MYO3B: variants seen among roughly 807,000 people sequenced by gnomAD.
The protein encoded by MYO3B is myosin IIIB, also known as myosin-IIIb.
Under a neutral mutation model 174.6 loss-of-function variants are expected in MYO3B, and 156 were observed. The observed-to-expected ratio is 0.89, with a 90% CI of 0.78 to 1.02. MYO3B has a LOEUF of 1.02. Ranked by LOEUF, MYO3B falls within the 50% of genes least tolerant of loss-of-function variation. MYO3B has a pLI of 0.00. For synonymous variants in MYO3B, 563 were observed against 569.1 expected, an observed-to-expected ratio of 0.99 and a Z score of 0.15; for missense variants, 1,632 against 1,639.4, an observed-to-expected ratio of 1.00 and a Z score of 0.08.
chr2:170,615,478 C>A (rs1418365064), intron 32 of MYO3B, among the ~76,000 whole-genome samples: 1 of 152,254 alleles, frequency 6.6e-6, no homozygotes, highest in Admixed American at 6.5e-5. Flanking sequence ...GAGAGCAAAG[C>A]TGGTATGTTC....
chr2:170,610,287 G>A (rs1695055165), intron 32 of MYO3B, among the ~76,000 whole-genome samples: 1 of 151,672 alleles, frequency 6.6e-6, no homozygotes, highest in Non-Finnish European at 1.5e-5. Flanking sequence ...CTTGCAGTGA[G>A]CCGAGATCAT....
intron 7 of MYO3B, among the ~76,000 whole-genome samples, chr2:170,256,949 C>T (rs967950360): frequency 1.3e-5 from 2 of 152,036 alleles, no homozygotes; most frequent in African/African-American, 2.4e-5. Flanking sequence ...CAGGGGTCAT[C>T]GTTCTTATAT....
intron 14 of MYO3B, among the ~76,000 whole-genome samples, chr2:170,390,300 T>A (rs2105763081): frequency 6.6e-6 from 1 of 152,258 alleles, no homozygotes; most frequent in African/African-American, 2.4e-5. Flanking sequence ...TGGTGATGTG[T>A]GCCTATAGTC....
intron 16 of MYO3B, among the ~76,000 whole-genome samples, chr2:170,394,006 C>T (rs1478056822): frequency 6.6e-6 from 1 of 152,158 alleles, no homozygotes; most frequent in Non-Finnish European, 1.5e-5. Context: ...AATTTAAAGT[C>T]ACTTGTGTCA....
intron 22 of MYO3B, among the ~76,000 whole-genome samples, chr2:170,426,615 T>A (rs200398163): frequency 1.3e-5 from 2 of 152,198 alleles, no homozygotes; most frequent in East Asian, 3.9e-4. Flanking sequence ...TCTAGTTCAT[T>A]GTAACTTTTT....
In MYO3B at chr2:170,206,791, TGAGGGCA is replaced by T. The variant is rs2105350307; in HGVS notation, c.321+6512_321+6518del. 6.6e-6 allele frequency among the ~76,000 whole-genome samples: 1 copy of T among 152,312 alleles called. No homozygotes were observed. Among genetic ancestry groups the T allele is most frequent in the South Asian group, 2.1e-4 (1 of 4,822 alleles). ...AGATGCTTACATAATGCCATGGTAG[TGAGGGCA>T]GAGGCTTCGGAACTGTATTGTAACC... On this transcript the variant is annotated intron_variant, in intron 3 of 34. Transcript: ENST00000408978. This position sits in a 1 kb window ranked among gnomAD's most constrained non-coding sequence, Gnocchi z 4.3.
chr2:170,589,002 T>A (rs1477829737), intron 32 of MYO3B, among the ~76,000 whole-genome samples: 3 of 152,146 alleles, frequency 2.0e-5, no homozygotes, highest in East Asian at 1.9e-4. Flanking sequence ...AGAATGAGAT[T>A]GGGAGCTTCC....
intron 25 of MYO3B, among the ~76,000 whole-genome samples, chr2:170,469,749 T>A (rs116620695): frequency 1.5e-3 from 235 of 152,292 alleles, no homozygotes; most frequent in African/African-American, 4.3e-3. Context: ...CCAGCCCTTT[T>A]GTTATTATTA....
intron 8 of MYO3B, among the ~76,000 whole-genome samples, chr2:170,356,778 TC>T: frequency 6.6e-6 from 1 of 152,244 alleles, no homozygotes; most frequent in East Asian, 1.9e-4. Context: ...TTTATTTTTA[TC>T]TTTAAAAAAA....
At chr2:170,374,771 A>ACACG (rs2094277739) in intron 9 of MYO3B, among the ~76,000 whole-genome samples, 1 of 151,108 alleles carries the variant, frequency 6.6e-6, no homozygotes. Context: ...ACACACACAC[A>ACACG]CACACACACA....
intron 7 of MYO3B, among the ~76,000 whole-genome samples, chr2:170,330,195 T>C (rs1488804535): frequency 6.6e-6 from 1 of 152,190 alleles, no homozygotes; most frequent in Non-Finnish European, 1.5e-5. Flanking sequence ...TAACTGTGCC[T>C]CACTGAGAAA....
intron 8 of MYO3B, among the ~76,000 whole-genome samples, chr2:170,354,138 A>G (rs2094100671): frequency 6.6e-6 from 1 of 152,238 alleles, no homozygotes; most frequent in Non-Finnish European, 1.5e-5. Flanking sequence ...CCGCAGAAAG[A>G]ATCAGACAAC....
At chr2:170,273,975 G>C (rs1024329541) in intron 7 of MYO3B, among the ~76,000 whole-genome samples, 1 of 152,100 alleles carries the variant, frequency 6.6e-6, no homozygotes, top group Non-Finnish European at 1.5e-5. Flanking sequence ...AATTTTAACT[G>C]AGACATAGAG....
chr2:170,448,139 G>A (rs748220651), intron 23 of MYO3B, among the ~76,000 whole-genome samples: 9 of 152,196 alleles, frequency 5.9e-5, no homozygotes, highest in Non-Finnish European at 8.8e-5. Context: ...TGCAAAGGCA[G>A]TCTAGTCCCC....
intron 32 of MYO3B, among the ~76,000 whole-genome samples, chr2:170,639,674 T>C (rs541147748): frequency 6.6e-6 from 1 of 152,216 alleles, no homozygotes; most frequent in African/African-American, 2.4e-5. Context: ...GATCCAATCC[T>C]CCTGAGACCG....
intron 2 of MYO3B, 120 bp from the exon 3 acceptor site, chr2:170,200,030 G>A (rs1275354548): frequency 2.4e-6 from 2 of 844,934 alleles, no homozygotes; most frequent in Non-Finnish European, 3.6e-6. Context: ...TGAAGGTATG[G>A]TAATGAGATT....
At chr2:170,372,674 C>T (rs1050682288) in intron 9 of MYO3B, among the ~76,000 whole-genome samples, 1 of 152,014 alleles carries the variant, frequency 6.6e-6, no homozygotes, top group Admixed American at 6.6e-5. Flanking sequence ...ATGAAAAGTA[C>T]CTAGATAAAG....
intron 8 of MYO3B, among the ~76,000 whole-genome samples, chr2:170,358,467 T>C (rs2105634714): frequency 6.6e-6 from 1 of 152,220 alleles, no homozygotes; most frequent in East Asian, 1.9e-4. Flanking sequence ...GATACGGGGT[T>C]TCTTTTTGGG....
intron 27 of MYO3B, 90 bp downstream of exon 27, chr2:170,499,898 T>C: frequency 1.7e-6 from 2 of 1,207,030 alleles, no homozygotes; most frequent in Non-Finnish European, 2.3e-6. Flanking sequence ...TTCTAAGTGG[T>C]TTCCCTCCCT....
Sources: allele counts gnomAD v4.1 joint callset (sites outside exome capture counted in the v4.1 genomes callset), GRCh38; gene constraint gnomAD v4.1.1; non-coding constraint Gnocchi (gnomAD v3.1); transcripts MANE v1.5; gene names NCBI Gene and HGNC (gene_info 2026-07-23, HGNC 2026-07-21).